DDX50: variants seen among roughly 807,000 people sequenced by gnomAD.
DDX50 encodes ATP-dependent RNA helicase DDX50.
In DDX50, 56 loss-of-function variants were observed where a neutral mutation model predicts 94.8. That is an observed-to-expected ratio of 0.59 (90% CI 0.48 to 0.74). The LOEUF is 0.74. DDX50 is among the 30% of genes least tolerant of loss of function. DDX50 has a pLI of 0.00. For synonymous variants in DDX50, 264 were observed against 295.4 expected, an observed-to-expected ratio of 0.89 and a Z score of 1.09; for missense variants, 713 against 881.2, an observed-to-expected ratio of 0.81 and a Z score of 2.42.
At chr10:68,913,696 T>G (rs1841702807) in intron 6 of DDX50, 120 bp downstream of exon 6, 8 of 948,574 alleles carry the variant, frequency 8.4e-6, no homozygotes, top group Non-Finnish European at 1.2e-5. Flanking sequence ...CTAAAATAAT[T>G]TGGTATCTGT....
At chr10:68,918,352 T>C (rs909582974) in intron 7 of DDX50, among the ~76,000 whole-genome samples, 1 of 152,094 alleles carries the variant, frequency 6.6e-6, no homozygotes, top group African/African-American at 2.4e-5. Context: ...AGCCATCATT[T>C]CTATCTAGTT....
chr10:68,911,739 A>G (rs916954731), intron 4 of DDX50: 4 of 152,260 alleles, frequency 2.6e-5, no homozygotes, highest in African/African-American at 9.7e-5. Context: ...ATTTTAGCGT[A>G]TGTGCTGCTG....
At chr10:68,910,522 C>G in intron 3 of DDX50, 140 bp downstream of exon 3, 1 of 601,166 alleles carries the variant, frequency 1.7e-6, no homozygotes, top group Non-Finnish European at 2.8e-6. Context: ...CCTACCTCAG[C>G]CTGCTGAGTA....
chr10:68,919,190 C>T (rs527530044), intron 7 of DDX50, among the ~76,000 whole-genome samples: 22 of 152,304 alleles, frequency 1.4e-4, no homozygotes, highest in African/African-American at 4.8e-4. Flanking sequence ...TGTCATGAAG[C>T]AACGCATGAC....
chr10:68,933,324 C>A (rs1842321718), intron 8 of DDX50, among the ~76,000 whole-genome samples: 1 of 152,118 alleles, frequency 6.6e-6, no homozygotes, highest in Non-Finnish European at 1.5e-5. Flanking sequence ...CCTGTCTCGG[C>A]CTCCCAGAGT....
At chr10:68,928,084 GAC>G (rs1323457903) in intron 8 of DDX50, among the ~76,000 whole-genome samples, 1 of 152,138 alleles carries the variant, frequency 6.6e-6, no homozygotes, top group Admixed American at 6.6e-5. Flanking sequence ...GGGAAGCCAA[GAC>G]AGGAAAATTT....
In DDX50 at chr10:68,934,355, C is replaced by T. The variant is rs1305171167; in HGVS notation, c.1396C>T (p.Pro466Ser). 2 of 1,613,258 alleles carry T rather than the reference C, an allele frequency of 1.2e-6. No individual in the cohort carries two copies. Among genetic ancestry groups the T allele is most frequent in the South Asian group, 1.1e-5 (1 of 90,928 alleles). Residue 466 changes from proline to serine, a missense_variant, in exon 9 of 15, where the codon CCT becomes TCT. By Grantham distance (74) the Pro-to-Ser change is moderately conservative. Around this residue, in one of 2 missense-constraint regions of DDX50, gnomAD observed 428 missense variants for 602.3 expected, o/e 0.71. Transcript: ENST00000373585. The surrounding 1 kb of genome is among the most constrained non-coding windows in gnomAD (Gnocchi z 4.0). The part of the protein sequence containing the change: ...EVDLVIQSSP[P>S]QDVESYIHRS... ...TGACCTGGTGATTCAAAGTTCTCCT[C>T]CTCAGGTAGGAAATGGGATTTGATT...
intron 8 of DDX50, among the ~76,000 whole-genome samples, chr10:68,927,264 G>A (rs557527058): frequency 1.2e-4 from 19 of 152,144 alleles, no homozygotes; most frequent in African/African-American, 4.6e-4. Context: ...TAGTATATTT[G>A]TTTATAACTT....
chr10:68,931,059 G>C (rs374465764), intron 8 of DDX50, among the ~76,000 whole-genome samples: 1 of 152,110 alleles, frequency 6.6e-6, no homozygotes, highest in Non-Finnish European at 1.5e-5. Flanking sequence ...AGCTAGGTCA[G>C]ATTGTCCTCT....
At chr10:68,917,408 G>A (rs1329986381) in intron 7 of DDX50, among the ~76,000 whole-genome samples, 1 of 152,162 alleles carries the variant, frequency 6.6e-6, no homozygotes, top group Non-Finnish European at 1.5e-5. Context: ...GCAGTGAGCT[G>A]AGATCGTGCC....
At chr10:68,942,688 A>AC (rs1217860568) in intron 13 of DDX50, among the ~76,000 whole-genome samples, 1 of 151,728 alleles carries the variant, frequency 6.6e-6, no homozygotes, top group East Asian at 1.9e-4. Flanking sequence ...ATCTTAGCTC[A>AC]CTGCCACCTC....
At chr10:68,913,365 T>A (rs1841688953) in intron 5 of DDX50, 26 bp from the exon 6 acceptor site, 1 of 1,605,250 alleles carries the variant, frequency 6.2e-7, no homozygotes. Flanking sequence ...ATTTTACATA[T>A]TGGTGGCATT....
Position 68,913,188 on chromosome 10 carries a change from A to G in DDX50, c.666A>G (p.Glu222=), listed in dbSNP as rs765387873. Residue 222 remains glutamate (E), a synonymous_variant, in exon 5 of 15, where the codon GAA becomes GAG. Transcript: ENST00000373585. ...TACTTGTTTTGGCTCCAACAAGGGAACTGGCAAACCAAGTAGCCAAAGACT... is the reference window on the plus strand; with the variant it reads ...TACTTGTTTTGGCTCCAACAAGGGAGCTGGCAAACCAAGTAGCCAAAGACT... The part of the protein sequence containing the change: ...PKVLVLAPTR[E]LANQVAKDFK... 5 of 1,611,030 alleles carry G rather than the reference A, an allele frequency of 3.1e-6. No homozygotes were observed. The highest frequency in any genetic ancestry group is 1.1e-5 in the South Asian group (1 of 90,062).
At chr10:68,914,895 C>T (rs11497989) in intron 7 of DDX50, among the ~76,000 whole-genome samples, 10,988 of 151,958 alleles carry the variant, frequency 0.072, 519 homozygotes, top group African/African-American at 0.13. Context: ...GTGGCGGGCC[C>T]CTGTAGTCCC....
At chr10:68,907,068 T>A (rs1841475361) in intron 2 of DDX50, 61 bp downstream of exon 2, 1 of 1,472,904 alleles carries the variant, frequency 6.8e-7, no homozygotes, top group East Asian at 2.3e-5. Context: ...GATTTGAATT[T>A]TTTTAGGCTA....
chr10:68,907,552 AG>A (rs1841496747), intron 2 of DDX50, among the ~76,000 whole-genome samples: 1 of 151,916 alleles, frequency 6.6e-6, no homozygotes, highest in Admixed American at 6.6e-5. Context: ...CTGACCTCAA[AG>A]TGATCCACCT....
Position 68,901,414 on chromosome 10 carries a change from T to C in DDX50, c.30T>C (p.Ile10=). The change falls in exon 1 of 15, where the codon ATT becomes ATC. Residue 10 remains isoleucine (I), a synonymous_variant. Transcript: ENST00000373585. ...CTGGGAAACTCCTCTGGGGGGACAT[T>C]ATGGAGCTGGAAGCACCCTTGGAGG... The part of the protein sequence containing the change: MPGKLLWGD[I]MELEAPLEES... The C allele has an allele frequency of 1.3e-6, 2 of 1,572,490 alleles. 1 individual carries two copies. Among genetic ancestry groups the C allele is most frequent in the South Asian group, 2.3e-5 (2 of 85,386 alleles).
At chr10:68,913,003 A>G (rs1379385117) in intron 4 of DDX50, among the ~76,000 whole-genome samples, 159 bp from the exon 5 acceptor site, 1 of 152,210 alleles carries the variant, frequency 6.6e-6, no homozygotes, top group Non-Finnish European at 1.5e-5. Flanking sequence ...TAATAAATAC[A>G]TGCTGCTGTT....
intron 7 of DDX50, among the ~76,000 whole-genome samples, chr10:68,915,453 C>T (rs1841759267): frequency 6.6e-6 from 1 of 151,054 alleles, no homozygotes. Context: ...TGCGGTGGCT[C>T]ACGCCTGTAT....
Sources: gnomAD v4.1 joint callset for allele counts (sites outside exome capture counted in the v4.1 genomes callset) on GRCh38, gnomAD v4.1.1 for gene constraint, gnomAD v4.1.1 regional missense constraint, Gnocchi (gnomAD v3.1) non-coding constraint, MANE v1.5 for transcripts, NCBI Gene and HGNC (gene_info 2026-07-23, HGNC 2026-07-21) for gene names.